DMD: variants seen among roughly 807,000 people sequenced by gnomAD.
DMD encodes mutant dystrophin.
DMD carries 63 observed loss-of-function variants against 330.1 expected under a neutral mutation model. The observed-to-expected ratio is 0.19, with a 90% CI of 0.16 to 0.24. DMD has a LOEUF of 0.24. Among genes scored for constraint, DMD ranks in the 10% least tolerant of loss-of-function variants. DMD has a pLI of 1.00. For missense variants in DMD, 3,344 were observed against 2,684.1 expected, an observed-to-expected ratio of 1.25 and a Z score of -5.43; for synonymous variants, 1,223 against 959.8, an observed-to-expected ratio of 1.27 and a Z score of -5.07.
At chrX:32,308,141 G>C (rs914353671) in intron 42 of DMD, among the ~76,000 whole-genome samples, 8 of 110,011 alleles carry the variant, frequency 7.3e-5, no homozygotes, top group African/African-American at 2.3e-4. Flanking sequence ...AACATGATTA[G>C]GTAGCTTTCC....
chrX:32,658,341 A>T (rs1180807214), intron 9 of DMD, among the ~76,000 whole-genome samples: 1 of 111,146 alleles, frequency 9.0e-6, no homozygotes, highest in Non-Finnish European at 1.9e-5. Flanking sequence ...AAGACTCCTT[A>T]ACCTTAAGCT....
intron 43 of DMD, among the ~76,000 whole-genome samples, chrX:32,276,493 G>C (rs1237587541): frequency 8.9e-6 from 1 of 111,898 alleles, no homozygotes. Context: ...AAGGAGAGGA[G>C]AGTGAAAAGT....
intron 7 of DMD, among the ~76,000 whole-genome samples, chrX:32,721,379 T>C (rs977508439): frequency 1.8e-5 from 2 of 110,500 alleles, no homozygotes; most frequent in Admixed American, 1.9e-4. Flanking sequence ...TGTTATCTCA[T>C]CTTTTAGATA....
intron 34 of DMD, among the ~76,000 whole-genome samples, chrX:32,377,581 A>G (rs1569560369): frequency 8.9e-6 from 1 of 111,784 alleles, no homozygotes; most frequent in East Asian, 2.8e-4. Flanking sequence ...AATTAGATAT[A>G]GGGCCAAGTA....
chrX:31,424,886 C>A lies in DMD; in HGVS notation c.9084+19595G>T, dbSNP rs149761598. ...TGACTTGAGGCTCAAATAAACAACT[C>A]AGTTTTCCACTGTGTTGACTGTGGG... is the stretch of plus-strand genomic sequence containing the variant. On this transcript the variant is annotated intron_variant, in intron 60 of 78. Coordinates refer to ENST00000357033, the MANE Select transcript of DMD (RefSeq NM_004006.3). Among the ~76,000 whole-genome samples the A allele has an allele frequency of 8.3e-3, 928 of 112,176 alleles. 4 individuals carry two copies. Among genetic ancestry groups the A allele is most frequent in the Non-Finnish European group, 0.014 (749 of 53,191 alleles).
intron 43 of DMD, among the ~76,000 whole-genome samples, chrX:32,228,679 T>C (rs932118854): frequency 8.9e-6 from 1 of 111,895 alleles, no homozygotes; most frequent in South Asian, 3.7e-4. Flanking sequence ...GAGCATTTAA[T>C]TGAGTCTTAA....
chrX:31,168,611 C>G (rs1380676406), intron 74 of DMD, among the ~76,000 whole-genome samples: 1 of 111,682 alleles, frequency 9.0e-6, no homozygotes, highest in African/African-American at 3.3e-5. Context: ...TTGGGCTCAA[C>G]CAAAGAGATG....
intron 55 of DMD, among the ~76,000 whole-genome samples, chrX:31,604,137 T>C (rs1008516352): frequency 7.1e-5 from 8 of 112,350 alleles, no homozygotes; most frequent in Non-Finnish European, 1.5e-4. Flanking sequence ...CTGCTTCTTA[T>C]GTAGTCTCCA....
intron 17 of DMD, among the ~76,000 whole-genome samples, chrX:32,540,553 A>G (rs187142531): frequency 3.6e-4 from 40 of 111,573 alleles, no homozygotes; most frequent in African/African-American, 1.1e-3. Flanking sequence ...TAGAATTTTT[A>G]AATGATATTG....
At position 32,932,355 on chromosome X, in the gene DMD, T is replaced by C. The variant is rs575789415; in HGVS notation, c.94-82535A>G. The stretch of plus-strand genomic sequence containing the variant: ...TAATAAGCATATGTAATAAAAGTAA[T>C]AGCGATGTGTGTCATATTATATATA... On this transcript the variant is annotated intron_variant, in intron 2 of 78. Transcript: ENST00000357033. Among the ~76,000 whole-genome samples, 147 of 112,125 alleles carry C rather than the reference T, an allele frequency of 1.3e-3. 1 individual carries two copies. The highest frequency in any genetic ancestry group is 4.4e-3 in the African/African-American group (135 of 30,940).
At chrX:32,728,196 A>T (rs1257608806) in intron 7 of DMD, among the ~76,000 whole-genome samples, 4 of 111,410 alleles carry the variant, frequency 3.6e-5, no homozygotes. Context: ...AAATTCAAAA[A>T]TGTGATTTTC....
At chrX:33,039,738 G>A (rs766921930) in intron 1 of DMD, among the ~76,000 whole-genome samples, 4 of 110,907 alleles carry the variant, frequency 3.6e-5, no homozygotes, top group African/African-American at 6.6e-5. Context: ...TTAACATGTC[G>A]AATGTGGATA....
At chrX:31,675,131 A>C (rs1037147984) in intron 53 of DMD, among the ~76,000 whole-genome samples, 1 of 112,219 alleles carries the variant, frequency 8.9e-6, no homozygotes, top group African/African-American at 3.2e-5. Context: ...TTTTAGAAAA[A>C]ATTAAGGGTG....
chrX:33,093,582 TTTA>T (rs1383676804), intron 1 of DMD, among the ~76,000 whole-genome samples: 1 of 111,777 alleles, frequency 8.9e-6, no homozygotes, highest in African/African-American at 3.3e-5. Context: ...GGTTGCACAT[TTTA>T]TTATGTCTCC....
intron 78 of DMD, 58 bp downstream of exon 78, chrX:31,126,584 C>T: frequency 1.9e-6 from 2 of 1,067,041 alleles, no homozygotes. Flanking sequence ...AAACGCCAAA[C>T]ATAAAAAGCA....
chrX:32,100,574 T>G (rs2096535202), intron 44 of DMD, among the ~76,000 whole-genome samples: 1 of 110,995 alleles, frequency 9.0e-6, no homozygotes, highest in Non-Finnish European at 1.9e-5. Context: ...TCAGCTGCAA[T>G]GAGAAAACAT....
At chrX:31,506,644 C>T (rs2070978509) in intron 56 of DMD, among the ~76,000 whole-genome samples, 1 of 112,186 alleles carries the variant, frequency 8.9e-6, no homozygotes, top group Non-Finnish European at 1.9e-5. Flanking sequence ...CATCCATTAA[C>T]TAACTTCTCC....
At chrX:31,924,895 C>T (rs2094747159) in intron 47 of DMD, among the ~76,000 whole-genome samples, 1 of 111,722 alleles carries the variant, frequency 9.0e-6, no homozygotes, top group Non-Finnish European at 1.9e-5. Context: ...TAGTAAATTA[C>T]TGTTTACATG....
chrX:31,522,256 C>G (rs1029806476), intron 55 of DMD, among the ~76,000 whole-genome samples: 1 of 102,599 alleles, frequency 9.7e-6, no homozygotes, highest in African/African-American at 3.7e-5. Context: ...CACATCAGAG[C>G]TAAGTAACTC....
Sources: allele counts gnomAD v4.1 joint callset (sites outside exome capture counted in the v4.1 genomes callset), GRCh38; gene constraint gnomAD v4.1.1; transcripts MANE v1.5; gene names NCBI Gene and HGNC (gene_info 2026-07-23, HGNC 2026-07-21).